ADAMTSL1: variants seen among roughly 807,000 people sequenced by gnomAD.
ADAMTSL1 encodes the protein ADAMTS-like protein 1.
Under a neutral mutation model 201.8 loss-of-function variants are expected in ADAMTSL1, and 126 were observed. That is an observed-to-expected ratio of 0.62 (90% CI 0.54 to 0.72). ADAMTSL1 has a LOEUF of 0.72. Ranked by LOEUF, ADAMTSL1 falls within the 30% of genes least tolerant of loss-of-function variation. The pLI, the probability that ADAMTSL1 is intolerant of heterozygous loss-of-function variation, is 0.00. For missense variants in ADAMTSL1, 2,679 were observed against 2,277.8 expected (o/e 1.18, Z -3.59); for synonymous variants, 1,121 against 903.4 (o/e 1.24, Z -4.32).
rs144163945 is a variant in ADAMTSL1, at chr9:18,141,395, G to T, written c.88-22467G>T. 4.7e-4 allele frequency among the ~76,000 whole-genome samples: 71 copies of T among 152,254 alleles called. 3 individuals carry two copies. The East Asian group carries it at 0.013, about 27-fold the overall frequency. ...CTGGACACCAGCAACATGCTGTGCT[G>T]TCCCCAGAACACCAGGCCAGCTTTT... On this transcript the variant is annotated intron_variant, in intron 1 of 29. Coordinates refer to the ADAMTSL1 transcript ENST00000680146.
chr9:18,175,819 C>A (rs1421955169), intron 2 of ADAMTSL1, among the ~76,000 whole-genome samples: 1 of 152,012 alleles, frequency 6.6e-6, no homozygotes, highest in Non-Finnish European at 1.5e-5. Flanking sequence ...CCTCCTCAGG[C>A]TGCCTGGAAG....
intron 2 of ADAMTSL1, among the ~76,000 whole-genome samples, chr9:18,380,531 A>G (rs1296238195): frequency 6.6e-6 from 1 of 152,170 alleles, no homozygotes; most frequent in African/African-American, 2.4e-5. Flanking sequence ...TTTTTCAGTT[A>G]TAAATAATTT....
intron 2 of ADAMTSL1, among the ~76,000 whole-genome samples, chr9:18,400,243 G>C (rs1301821237): frequency 7.4e-6 from 1 of 134,252 alleles, no homozygotes; most frequent in Non-Finnish European, 1.6e-5. Flanking sequence ...TTATTTCTAA[G>C]TATGTGGACC....
chr9:18,023,620 T>C (rs575541046), intron 1 of ADAMTSL1, among the ~76,000 whole-genome samples: 57 of 152,236 alleles, frequency 3.7e-4, no homozygotes, highest in Non-Finnish European at 4.9e-4. Context: ...TTTTTATCTG[T>C]TGGGTGCGAA....
At chr9:18,575,364 C>T (rs116143859) in intron 4 of ADAMTSL1, among the ~76,000 whole-genome samples, 3,782 of 152,190 alleles carry the variant, frequency 0.025, 146 homozygotes, top group African/African-American at 0.085. Context: ...ACTGATGAAA[C>T]ATATCTTAAG....
chr9:18,253,563 G>A (rs1831552021), intron 2 of ADAMTSL1, among the ~76,000 whole-genome samples: 1 of 152,142 alleles, frequency 6.6e-6, no homozygotes, highest in South Asian at 2.1e-4. Flanking sequence ...AACAGAAGCA[G>A]CTTACAAAAA....
At chr9:18,880,149 C>T (rs1432211626) in intron 23 of ADAMTSL1, among the ~76,000 whole-genome samples, 4 of 152,166 alleles carry the variant, frequency 2.6e-5, no homozygotes, top group Non-Finnish European at 1.5e-5. Flanking sequence ...CAGTGACTTC[C>T]TCAACACTGA....
chr9:18,257,435 T>A (rs1831732122), intron 2 of ADAMTSL1, among the ~76,000 whole-genome samples: 1 of 151,698 alleles, frequency 6.6e-6, no homozygotes, highest in Non-Finnish European at 1.5e-5. Context: ...ACCCCAGTTA[T>A]TAGGAAAATG....
At position 17,998,280 on chromosome 9, in the gene ADAMTSL1, G is replaced by A. The variant is rs148575341; in HGVS notation, c.87+91358G>A. Among the ~76,000 whole-genome samples, 502 of 152,186 alleles carry A rather than the reference G, an allele frequency of 3.3e-3. 1 individual carries two copies. The highest frequency in any genetic ancestry group is 0.027 in the Middle Eastern group (8 of 294). On this transcript the variant is annotated intron_variant, in intron 1 of 29. Coordinates refer to the ADAMTSL1 transcript ENST00000680146. ...CAATGTCTCCAGAAGGCAAGGCACA[G>A]CACTCAGAAACATAGTAAAGTTAAG... is the stretch of plus-strand genomic sequence containing the variant.
intron 1 of ADAMTSL1, among the ~76,000 whole-genome samples, chr9:18,055,249 C>A (rs922690252): frequency 6.6e-6 from 1 of 152,196 alleles, no homozygotes; most frequent in African/African-American, 2.4e-5. Context: ...GCTATCCTTA[C>A]AGACTGAGTT....
intron 1 of ADAMTSL1, among the ~76,000 whole-genome samples, chr9:18,114,355 A>C (rs1221608371): frequency 1.3e-5 from 2 of 152,176 alleles, no homozygotes; most frequent in African/African-American, 2.4e-5. Context: ...CTAGAAAATG[A>C]GTTTGACCTG....
chr9:18,746,149 T>TA (rs1819130473), intron 15 of ADAMTSL1, among the ~76,000 whole-genome samples: 1 of 152,132 alleles, frequency 6.6e-6, no homozygotes, highest in African/African-American at 2.4e-5. Context: ...TCAGACAAAG[T>TA]AAGGTGACCA....
rs919250111 is a variant in ADAMTSL1, at chr9:18,184,604, A to G, written c.207+20623A>G. ...AAGTGCCTTGTCCTGGCCTACTGCC[A>G]TGAGTAGGCATTCTTTAGTAACTGA... is the stretch of plus-strand genomic sequence containing the variant. On this transcript the variant is annotated intron_variant, in intron 2 of 29. Transcript: ENST00000680146. 3.3e-5 allele frequency among the ~76,000 whole-genome samples: 5 copies of G among 152,366 alleles called. No individual in the cohort carries two copies. In the East Asian group the frequency reaches 7.7e-4, roughly 24 times the overall value.
At chr9:18,490,204 T>A (rs914230411) in intron 1 of ADAMTSL1, among the ~76,000 whole-genome samples, 1 of 151,998 alleles carries the variant, frequency 6.6e-6, no homozygotes, top group Non-Finnish European at 1.5e-5. Context: ...CAGGCTGGGG[T>A]CCCAGTTGTG....
intron 2 of ADAMTSL1, among the ~76,000 whole-genome samples, chr9:18,184,559 AT>A (rs1828648004): frequency 1.3e-5 from 2 of 152,222 alleles, no homozygotes; most frequent in Non-Finnish European, 2.9e-5. Flanking sequence ...GCCTGTTGTC[AT>A]TGGAATTTCA....
At chr9:18,809,116 G>A (rs1238452185) in intron 20 of ADAMTSL1, among the ~76,000 whole-genome samples, 3 of 152,184 alleles carry the variant, frequency 2.0e-5, no homozygotes, top group Non-Finnish European at 4.4e-5. Context: ...AGCAGGGGCT[G>A]GGGGGAGATA....
chr9:18,004,373 T>G (rs1361182613), intron 1 of ADAMTSL1, among the ~76,000 whole-genome samples: 1 of 151,968 alleles, frequency 6.6e-6, no homozygotes. Context: ...GATTCAGAGC[T>G]CCTTCTGCAG....
intron 23 of ADAMTSL1, among the ~76,000 whole-genome samples, chr9:18,838,402 C>CACACACACACAA (rs754001590): frequency 0.014 from 1,698 of 125,462 alleles, 103 homozygotes; most frequent in East Asian, 0.087. Flanking sequence ...CACACACACA[C>CACACACACACAA]GCAAAAACCT....
intron 2 of ADAMTSL1, among the ~76,000 whole-genome samples, chr9:18,359,815 A>ACCCC (rs1563911410): frequency 3.6e-4 from 17 of 46,870 alleles, no homozygotes; most frequent in Non-Finnish European, 4.5e-4. Flanking sequence ...TTAATGCCCC[A>ACCCC]CCTCCCCACC....
Sources: allele counts gnomAD v4.1 joint callset (sites outside exome capture counted in the v4.1 genomes callset), GRCh38; gene constraint gnomAD v4.1.1; transcripts MANE v1.5; gene names NCBI Gene and HGNC (gene_info 2026-07-23, HGNC 2026-07-21).